EXOC6: variants seen among roughly 807,000 people sequenced by gnomAD.
The protein encoded by EXOC6 is exocyst complex component 6.
Under a neutral mutation model 112.5 loss-of-function variants are expected in EXOC6, and 60 were observed. That is an observed-to-expected ratio of 0.53 (90% confidence interval 0.43 to 0.66). The LOEUF is 0.66. EXOC6 is among the 30% of genes least tolerant of loss of function. The probability of loss-of-function intolerance (pLI) is 0.00; values close to 1 mark genes in which losing one functional copy is unlikely to be tolerated. For synonymous variants in EXOC6, 295 were observed against 308.0 expected, an observed-to-expected ratio of 0.96 and a Z score of 0.44; for missense variants, 855 against 957.1, an observed-to-expected ratio of 0.89 and a Z score of 1.41.
At chr10:92,920,427 A>G (rs1040450548) in intron 8 of EXOC6, among the ~76,000 whole-genome samples, 1 of 152,156 alleles carries the variant, frequency 6.6e-6, no homozygotes, top group African/African-American at 2.4e-5. Context: ...ACATACGAAA[A>G]AACTTACCCT....
chr10:92,941,640 T>G (rs2133975974), intron 13 of EXOC6, among the ~76,000 whole-genome samples: 1 of 152,322 alleles, frequency 6.6e-6, no homozygotes, highest in South Asian at 2.1e-4. Flanking sequence ...TATTTTGTAT[T>G]AGAGACAGAA....
intron 1 of EXOC6, among the ~76,000 whole-genome samples, chr10:92,851,175 A>C (rs753940504): frequency 6.6e-6 from 1 of 152,226 alleles, no homozygotes; most frequent in Non-Finnish European, 1.5e-5. Context: ...CTAGCCTAAG[A>C]AACTAGGAAA....
At chr10:92,834,705 A>G, upstream of EXOC6, 2 of 1,559,628 alleles carry the variant, frequency 1.3e-6, no homozygotes, top group Non-Finnish European at 1.8e-6. Context: ...AATATCTGAC[A>G]TCTGCAGCTG....
At chr10:92,863,893 C>T (rs541607887) in intron 1 of EXOC6, among the ~76,000 whole-genome samples, 111 of 138,812 alleles carry the variant, frequency 8.0e-4, no homozygotes, top group African/African-American at 2.6e-3. Flanking sequence ...CCAGCCTGGG[C>T]GACGGAGCGA....
At chr10:92,844,994 G>A (rs927306350), upstream of EXOC6, among the ~76,000 whole-genome samples, 7 of 152,174 alleles carry the variant, frequency 4.6e-5, no homozygotes, top group African/African-American at 9.7e-5. Flanking sequence ...GATAAAAGGC[G>A]CAAAGTTAAG....
intron 12 of EXOC6, 85 bp from the exon 13 acceptor site, chr10:92,940,642 C>T (rs1044454551): frequency 1.2e-6 from 1 of 846,842 alleles, no homozygotes; most frequent in East Asian, 2.6e-5. Context: ...TGATTCCTTC[C>T]AAATGATTCT....
At chr10:92,975,009 G>A (rs1222398205) in intron 18 of EXOC6, among the ~76,000 whole-genome samples, 3 of 151,968 alleles carry the variant, frequency 2.0e-5, no homozygotes, top group African/African-American at 7.3e-5. Flanking sequence ...AGTGAGGAGC[G>A]TCTCTGCCTG....
intron 17 of EXOC6, among the ~76,000 whole-genome samples, chr10:92,964,227 G>A (rs1476627154): frequency 1.3e-5 from 2 of 151,186 alleles, no homozygotes; most frequent in Non-Finnish European, 2.9e-5. Context: ...ATAAATAATG[G>A]AAATTATATA....
intron 20 of EXOC6, among the ~76,000 whole-genome samples, chr10:93,044,013 G>T (rs542830758): frequency 3.9e-4 from 59 of 152,310 alleles, no homozygotes; most frequent in African/African-American, 1.3e-3. Flanking sequence ...TCAGAAATCT[G>T]TTACTAACTA....
chr10:92,964,475 A>C (rs1841962149), intron 17 of EXOC6, among the ~76,000 whole-genome samples: 1 of 152,206 alleles, frequency 6.6e-6, no homozygotes, highest in Non-Finnish European at 1.5e-5. Flanking sequence ...AGCAGGAAGA[A>C]GTTAACTAGG....
intron 1 of EXOC6, among the ~76,000 whole-genome samples, chr10:92,858,022 T>TCCCG (rs1554882160): frequency 9.9e-6 from 1 of 101,272 alleles, no homozygotes; most frequent in East Asian, 1.1e-3. Context: ...GTTGACGGGT[T>TCCCG]CCCCCCCTCC....
intron 8 of EXOC6, 42 bp from the exon 9 acceptor site, chr10:92,928,297 T>C (rs953078873): frequency 1.8e-6 from 2 of 1,083,618 alleles, no homozygotes; most frequent in Admixed American, 3.6e-5. Flanking sequence ...GTTGTATGTG[T>C]GTGTATGTGT....
At chr10:92,908,803 C>T (rs181224119) in intron 5 of EXOC6, among the ~76,000 whole-genome samples, 1 of 152,250 alleles carries the variant, frequency 6.6e-6, no homozygotes, top group African/African-American at 2.4e-5. Flanking sequence ...CAGCATGTCA[C>T]ACTGTGAAAC....
intron 20 of EXOC6, among the ~76,000 whole-genome samples, chr10:93,017,846 C>T (rs879689120): frequency 2.6e-5 from 4 of 151,440 alleles, no homozygotes; most frequent in Non-Finnish European, 5.9e-5. Flanking sequence ...CCCGTCTCTA[C>T]TAAAAATGCA....
At chr10:93,033,316 A>G (rs904261552) in intron 20 of EXOC6, among the ~76,000 whole-genome samples, 4 of 152,144 alleles carry the variant, frequency 2.6e-5, no homozygotes, top group African/African-American at 7.2e-5. Context: ...GGTTCACTGT[A>G]TTTCATAGTA....
intron 1 of EXOC6, among the ~76,000 whole-genome samples, chr10:92,876,731 A>G (rs1004737260): frequency 6.6e-6 from 1 of 152,192 alleles, no homozygotes; most frequent in Non-Finnish European, 1.5e-5. Context: ...TGCAGTTCCC[A>G]GACAGGCATC....
chr10:93,037,924 C>T (rs1406150817), intron 20 of EXOC6, among the ~76,000 whole-genome samples: 1 of 150,444 alleles, frequency 6.6e-6, no homozygotes, highest in Non-Finnish European at 1.5e-5. Flanking sequence ...CCCGTAATCC[C>T]AGCTGCTCGG....
chr10:92,853,726 A>G (rs1413371289), intron 1 of EXOC6, among the ~76,000 whole-genome samples: 1 of 152,222 alleles, frequency 6.6e-6, no homozygotes, highest in Admixed American at 6.5e-5. Flanking sequence ...CACCATATTT[A>G]GAAATTAACT....
intron 1 of EXOC6, among the ~76,000 whole-genome samples, chr10:92,865,565 C>T (rs561078428): frequency 6.6e-6 from 1 of 150,922 alleles, no homozygotes; most frequent in East Asian, 2.0e-4. Context: ...CCTCAGCCTC[C>T]TGAATAGCTG....
Sources: gnomAD v4.1 joint callset for allele counts (sites outside exome capture counted in the v4.1 genomes callset) on GRCh38, gnomAD v4.1.1 for gene constraint, MANE v1.5 for transcripts, NCBI Gene and HGNC (gene_info 2026-07-23, HGNC 2026-07-21) for gene names.